Variants in GPHN observed in about 807,000 individuals in gnomAD.
GPHN encodes gephyrin.
Under a neutral mutation model 95.5 loss-of-function variants are expected in GPHN, and 17 were observed. The observed-to-expected ratio is 0.18, with a 90% CI of 0.12 to 0.27. The LOEUF is 0.27. Among genes scored for constraint, GPHN ranks in the 10% least tolerant of loss-of-function variants. The probability of loss-of-function intolerance (pLI) is 1.00; values close to 1 mark genes in which losing one functional copy is unlikely to be tolerated. For synonymous variants in GPHN, 320 were observed against 322.5 expected, an observed-to-expected ratio of 0.99 and a Z score of 0.08; for missense variants, 660 against 978.1, an observed-to-expected ratio of 0.67 and a Z score of 4.34.
chr14:67,456,049 A>G, the GPHN span, among the ~76,000 whole-genome samples: 1 of 152,236 alleles, frequency 6.6e-6, no homozygotes, highest in Non-Finnish European at 1.5e-5. Flanking sequence ...ATGGGAGAAA[A>G]TATTTGCAAA....
intron 1 of GPHN, among the ~76,000 whole-genome samples, chr14:66,644,503 G>A (rs1595380167): frequency 6.6e-6 from 1 of 151,890 alleles, no homozygotes; most frequent in Admixed American, 6.6e-5. Flanking sequence ...GTCAAAGCAG[G>A]AAAAATAGTA....
the GPHN span, among the ~76,000 whole-genome samples, chr14:67,217,957 G>C: frequency 3.3e-4 from 50 of 152,232 alleles, no homozygotes; most frequent in African/African-American, 1.2e-3. Flanking sequence ...TTATATGAAT[G>C]GGTCTTGGGA....
At chr14:67,112,086 C>T (rs1362344128) in intron 15 of GPHN, among the ~76,000 whole-genome samples, 167 bp downstream of exon 15, 1 of 152,118 alleles carries the variant, frequency 6.6e-6, no homozygotes, top group Non-Finnish European at 1.5e-5. Context: ...CACATATCTG[C>T]CCTGCCTACT....
intron 3 of GPHN, among the ~76,000 whole-genome samples, chr14:66,815,705 AAC>A (rs1170976351): frequency 2.0e-5 from 3 of 152,212 alleles, no homozygotes; most frequent in Non-Finnish European, 4.4e-5. Flanking sequence ...CCACTACAAA[AAC>A]ACATTGAAGT....
chr14:66,989,998 C>T (rs772320569), intron 9 of GPHN, among the ~76,000 whole-genome samples: 3 of 152,066 alleles, frequency 2.0e-5, no homozygotes, highest in Admixed American at 6.6e-5. Context: ...AAGATACTAC[C>T]TGAGACTGGG....
At chr14:67,165,951 T>A (rs2082252015) in intron 20 of GPHN, among the ~76,000 whole-genome samples, 1 of 152,242 alleles carries the variant, frequency 6.6e-6, no homozygotes, top group Non-Finnish European at 1.5e-5. Context: ...TTATTGTGCA[T>A]CTTTTTTTTA....
chr14:66,837,596 A>AAAAT (rs1302340068), intron 4 of GPHN, among the ~76,000 whole-genome samples: 6 of 143,176 alleles, frequency 4.2e-5, no homozygotes, highest in East Asian at 2.0e-4. Context: ...AAGTATAATA[A>AAAAT]AAATAAATAA....
chr14:67,613,092 C>T, the GPHN span: 1 of 151,988 alleles, frequency 6.6e-6, no homozygotes, highest in African/African-American at 2.4e-5. Context: ...GATTGCAATA[C>T]AGGAGCATAG....
chr14:66,915,890 T>C (rs2065872568), intron 5 of GPHN, 113 bp from the exon 6 acceptor site: 3 of 740,548 alleles, frequency 4.1e-6, no homozygotes, highest in Non-Finnish European at 5.0e-6. Flanking sequence ...AACACTTTTA[T>C]TCCTAAAACA....
intron 12 of GPHN, among the ~76,000 whole-genome samples, chr14:67,096,005 C>CT (rs2077374355): frequency 6.8e-6 from 1 of 147,064 alleles, no homozygotes; most frequent in East Asian, 2.0e-4. Context: ...AATCTCAGAC[C>CT]TTGTCCCAGC....
chr14:67,218,058 A>T, the GPHN span, among the ~76,000 whole-genome samples: 1 of 152,160 alleles, frequency 6.6e-6, no homozygotes, highest in Admixed American at 6.5e-5. Context: ...CAAGTTTCTC[A>T]GTGGCCTAGG....
intron 8 of GPHN, among the ~76,000 whole-genome samples, chr14:66,926,671 A>G (rs117041143): frequency 0.012 from 1,832 of 152,306 alleles, 19 homozygotes; most frequent in Non-Finnish European, 0.018. Flanking sequence ...TATAATTTGA[A>G]GTCAGGTAGT....
At chr14:66,681,803 G>A (rs1000971749) in intron 2 of GPHN, among the ~76,000 whole-genome samples, 1 of 151,490 alleles carries the variant, frequency 6.6e-6, no homozygotes, top group Admixed American at 6.6e-5. Context: ...TGGTAAATAT[G>A]CATACTATCT....
At chr14:67,349,275 A>C in the GPHN span, among the ~76,000 whole-genome samples, 1 of 152,242 alleles carries the variant, frequency 6.6e-6, no homozygotes, top group Non-Finnish European at 1.5e-5. Context: ...CTGCTAGAGG[A>C]GGGCCTCTGA....
chr14:67,198,899 G>T, the GPHN span: 4 of 691,154 alleles, frequency 5.8e-6, no homozygotes, highest in Non-Finnish European at 1.1e-5. Flanking sequence ...TACCTCTAAA[G>T]TTCCTAGAAA....
chr14:67,152,683 C>T (rs1219470255), intron 18 of GPHN, among the ~76,000 whole-genome samples: 1 of 152,202 alleles, frequency 6.6e-6, no homozygotes, highest in East Asian at 1.9e-4. Flanking sequence ...ATTATGTTCA[C>T]TGGCGGGGCG....
chr14:66,925,848 C>A (rs1487210593), intron 8 of GPHN, among the ~76,000 whole-genome samples: 2 of 152,162 alleles, frequency 1.3e-5, no homozygotes, highest in Admixed American at 6.5e-5. Context: ...AGTGGCTATG[C>A]CAATTTACAT....
At chr14:67,150,435 C>T (rs1327502367) in intron 18 of GPHN, among the ~76,000 whole-genome samples, 4 of 98,592 alleles carry the variant, frequency 4.1e-5, no homozygotes, top group African/African-American at 1.4e-4. Flanking sequence ...AGCGAGACTC[C>T]GTCTCAAAAA....
chr14:66,775,413 C>T (rs1000742384), intron 2 of GPHN, among the ~76,000 whole-genome samples: 27 of 151,968 alleles, frequency 1.8e-4, no homozygotes, highest in Non-Finnish European at 5.9e-5. Context: ...GGGGCCACAA[C>T]CCTGTATGTA....
Sources: allele counts gnomAD v4.1 joint callset (sites outside exome capture counted in the v4.1 genomes callset), GRCh38; gene constraint gnomAD v4.1.1; transcripts MANE v1.5; gene names NCBI Gene and HGNC (gene_info 2026-07-23, HGNC 2026-07-21).